The following MARCHF10 variants were observed in gnomAD, a reference collection of about 807,000 sequenced individuals.
MARCHF10 encodes the protein probable E3 ubiquitin-protein ligase MARCHF10.
Under a neutral mutation model 76.2 loss-of-function variants are expected in MARCHF10, and 64 were observed. The observed-to-expected ratio is 0.84, with a 90% confidence interval of 0.69 to 1.03. MARCHF10 has a LOEUF of 1.03. MARCHF10 is among the 50% of genes least tolerant of loss of function. The pLI is 0.00. For synonymous variants in MARCHF10, 340 were observed against 357.5 expected, an observed-to-expected ratio of 0.95 and a Z score of 0.55; for missense variants, 875 against 958.0, an observed-to-expected ratio of 0.91 and a Z score of 1.14.
intron 1 of MARCHF10, 52 bp from the exon 2 acceptor site, chr17:62,801,804 G>T: frequency 7.9e-7 from 1 of 1,270,232 alleles, no homozygotes; most frequent in Non-Finnish European, 1.2e-6. Context: ...TTGTCGTGAT[G>T]CCGTATTTGG....
Position 62,722,551 on chromosome 17 carries a change from G to A in MARCHF10, c.2151C>T (p.Gly717=), listed in dbSNP as rs1180586391. The change falls in exon 8 of 11, where the codon GGC becomes GGT. Residue 717 remains glycine (G), a synonymous_variant. Transcript: ENST00000311269. The part of the protein sequence containing the change: ...AVKTCEMCKQ[G]LLVDLGDFNM... ...TAAAGTCACCCAGGTCAACCAGCAG[G>A]CCTTGCTTACACATCTCACAGGTCT... 6.2e-7 allele frequency: 1 copy of A among 1,613,984 alleles called. No individual in the cohort carries two copies. The highest frequency in any genetic ancestry group is 1.7e-5 in the Admixed American group (1 of 60,006).
chr17:62,772,807 G>A (rs997928989), intron 3 of MARCHF10, among the ~76,000 whole-genome samples: 12 of 152,266 alleles, frequency 7.9e-5, no homozygotes, highest in African/African-American at 2.9e-4. Flanking sequence ...CAGGACCTGT[G>A]ATTTTTGTCA....
chr17:62,724,911 G>T (rs562557633), intron 7 of MARCHF10, 27 bp downstream of exon 7: 2 of 1,607,778 alleles, frequency 1.2e-6, no homozygotes, highest in African/African-American at 1.3e-5. Context: ...GTCGTGGCAC[G>T]TTCACTGCAC....
intron 4 of MARCHF10, among the ~76,000 whole-genome samples, chr17:62,759,274 G>C (rs2092129255): frequency 6.6e-6 from 1 of 152,232 alleles, no homozygotes; most frequent in Non-Finnish European, 1.5e-5. Context: ...AAAGGCAGCA[G>C]CTCTAGGCGG....
rs2093192018 is a variant in MARCHF10 at position 62,808,220 on chromosome 17, A to C, written c.-161T>G. On this transcript the variant is annotated 5_prime_UTR_variant, in exon 1 of 11. Coordinates refer to ENST00000311269, the MANE Select transcript of MARCHF10 (RefSeq NM_152598.4). ...TTCCTCCTCCTCTTTTTGCTTCTTCACTCCCTACACCTGCCCCTCTTCCTC... is the reference window on the plus strand; with the variant it reads ...TTCCTCCTCCTCTTTTTGCTTCTTCCCTCCCTACACCTGCCCCTCTTCCTC... 1.3e-5 allele frequency: 2 copies of C among 151,804 alleles called. No homozygotes were observed. The highest frequency in any genetic ancestry group is 4.2e-4 in the South Asian group (2 of 4,784). 9.4% of individuals were successfully genotyped at this position (151,804 alleles called of 1,614,324 possible).
At chr17:62,710,947 T>C (rs2089900731) in intron 9 of MARCHF10, among the ~76,000 whole-genome samples, 1 of 152,170 alleles carries the variant, frequency 6.6e-6, no homozygotes, top group Non-Finnish European at 1.5e-5. Flanking sequence ...TCCTCTATTT[T>C]TGGGGGGCAA....
intron 6 of MARCHF10, among the ~76,000 whole-genome samples, chr17:62,728,730 CA>C (rs1324550349): frequency 2.6e-5 from 4 of 151,916 alleles, no homozygotes; most frequent in African/African-American, 9.7e-5. Flanking sequence ...TATTAATGGA[CA>C]AAATATAATT....
At chr17:62,763,600 T>C (rs898670410) in intron 3 of MARCHF10, among the ~76,000 whole-genome samples, 1 of 152,180 alleles carries the variant, frequency 6.6e-6, no homozygotes, top group Non-Finnish European at 1.5e-5. Context: ...TCCTTCCTCA[T>C]GTGTCCCCAA....
intron 3 of MARCHF10, among the ~76,000 whole-genome samples, chr17:62,772,793 T>G (rs1405946952): frequency 6.6e-6 from 1 of 152,220 alleles, no homozygotes; most frequent in Non-Finnish European, 1.5e-5. Flanking sequence ...CACAGCAGCA[T>G]TAGCAGGACC....
In MARCHF10 at chr17:62,736,366, G is replaced by A; in HGVS notation, c.1502C>T (p.Ser501Leu). ...MSSTSVHSSDSEGNSGFHVCQ... is the reference protein window; with the variant it reads ...MSSTSVHSSDLEGNSGFHVCQ... ...AACATGAAACCCTGAGTTTCCCTCT[G>A]AGTCTGAGCTGTGAACTGAAGTCGA... The change falls in exon 6 of 11, where the codon TCA becomes TTA. Residue 501 changes from serine to leucine, a missense_variant. Physicochemically the swap from Ser to Leu is moderately radical, Grantham distance 145. Transcript: ENST00000311269. The A allele has an allele frequency of 6.2e-7, 1 of 1,614,196 alleles. No individual in the cohort carries two copies. Among genetic ancestry groups the A allele is most frequent in the Non-Finnish European group, 8.5e-7 (1 of 1,180,038 alleles).
intron 4 of MARCHF10, among the ~76,000 whole-genome samples, chr17:62,758,594 G>C (rs1249487613): frequency 6.6e-6 from 1 of 152,198 alleles, no homozygotes; most frequent in Non-Finnish European, 1.5e-5. Flanking sequence ...TAAGAAGCAA[G>C]AGCTGGGGCT....
At chr17:62,717,029 C>T (rs2090239733) in intron 8 of MARCHF10, among the ~76,000 whole-genome samples, 1 of 152,226 alleles carries the variant, frequency 6.6e-6, no homozygotes, top group African/African-American at 2.4e-5. Flanking sequence ...GGGCTTGTCC[C>T]CTCAGTGGGC....
chr17:62,789,069 C>CAAAAAA (rs34556672), intron 2 of MARCHF10, among the ~76,000 whole-genome samples: 7 of 36,894 alleles, frequency 1.9e-4, no homozygotes, highest in Middle Eastern at 0.017. Context: ...GACTCCGTCT[C>CAAAAAA]AAAAAAAAAA....
chr17:62,743,302 T>G (rs1052959859), intron 5 of MARCHF10, among the ~76,000 whole-genome samples: 1 of 152,196 alleles, frequency 6.6e-6, no homozygotes, highest in African/African-American at 2.4e-5. Flanking sequence ...ATCAAAATAC[T>G]AACACATTCT....
At chr17:62,799,974 TC>T (rs2093045808) in intron 2 of MARCHF10, among the ~76,000 whole-genome samples, 1 of 152,154 alleles carries the variant, frequency 6.6e-6, no homozygotes, top group Non-Finnish European at 1.5e-5. Context: ...AAGTGTCACT[TC>T]CTCAAAGAGA....
intron 4 of MARCHF10, among the ~76,000 whole-genome samples, chr17:62,747,350 A>T (rs999526148): frequency 2.0e-5 from 3 of 152,210 alleles, no homozygotes; most frequent in African/African-American, 7.2e-5. Flanking sequence ...AAAGCATCAG[A>T]TCTCTTAAAT....
chr17:62,746,063 G>A (rs1159820835), intron 4 of MARCHF10, among the ~76,000 whole-genome samples: 2 of 152,234 alleles, frequency 1.3e-5, no homozygotes, highest in Admixed American at 1.3e-4. Context: ...CTGGAGTCAT[G>A]TTCCAGAGTG....
chr17:62,713,589 G>A (rs2147620160), intron 8 of MARCHF10, among the ~76,000 whole-genome samples: 1 of 152,318 alleles, frequency 6.6e-6, no homozygotes, highest in African/African-American at 2.4e-5. Context: ...ATCAGAGCAG[G>A]CGTGTGATAG....
intron 4 of MARCHF10, among the ~76,000 whole-genome samples, chr17:62,759,325 G>GAA (rs1293729241): frequency 2.0e-5 from 3 of 152,240 alleles, no homozygotes; most frequent in African/African-American, 7.2e-5. Flanking sequence ...GGGCGGTGGA[G>GAA]AAAGTTACAT....
Sources: allele counts gnomAD v4.1 joint callset (sites outside exome capture counted in the v4.1 genomes callset), GRCh38; gene constraint gnomAD v4.1.1; transcripts MANE v1.5; gene names NCBI Gene and HGNC (gene_info 2026-07-23, HGNC 2026-07-21).